ANXA4: variants seen among roughly 807,000 people sequenced by gnomAD.
ANXA4 encodes 35-beta calcimedin.
Under a neutral mutation model 49.8 loss-of-function variants are expected in ANXA4, and 39 were observed. The observed-to-expected ratio is 0.78, with a 90% CI of 0.61 to 1.02. ANXA4 has a LOEUF of 1.02. ANXA4 is among the 50% of genes least tolerant of loss of function. The pLI, the probability that ANXA4 is intolerant of heterozygous loss-of-function variation, is 0.00. For missense variants in ANXA4, 360 were observed against 410.1 expected, an observed-to-expected ratio of 0.88 and a Z score of 1.05; for synonymous variants, 134 against 152.5, an observed-to-expected ratio of 0.88 and a Z score of 0.89.
At chr2:69,784,417 A>G (rs1277891648) in intron 2 of ANXA4, among the ~76,000 whole-genome samples, 1 of 152,240 alleles carries the variant, frequency 6.6e-6, no homozygotes, top group Non-Finnish European at 1.5e-5. Context: ...GTGCCATCCA[A>G]AAATTTTTCA....
intron 2 of ANXA4, among the ~76,000 whole-genome samples, chr2:69,678,701 A>G (rs1272854039): frequency 6.6e-6 from 1 of 152,104 alleles, no homozygotes; most frequent in East Asian, 1.9e-4. Flanking sequence ...CCAGCCCACA[A>G]ATTTCTATTT....
At chr2:69,815,905 G>C (rs949070272) in intron 8 of ANXA4, 196 bp from the exon 9 acceptor site, 19 of 560,366 alleles carry the variant, frequency 3.4e-5, no homozygotes, top group Admixed American at 3.0e-4. Context: ...GACTCCCAGG[G>C]GGGTATGACA....
intron 2 of ANXA4, among the ~76,000 whole-genome samples, chr2:69,705,411 G>A (rs1678455440): frequency 6.6e-6 from 1 of 152,206 alleles, no homozygotes; most frequent in African/African-American, 2.4e-5. Context: ...CAATGAATAT[G>A]TGCTGCTTAT....
chr2:69,752,532 A>T lies in ANXA4; in HGVS notation c.-47+10357A>T, dbSNP rs371806681. On this transcript the variant is annotated intron_variant, in intron 1 of 12. Coordinates refer to ENST00000394295, the MANE Select transcript of ANXA4 (RefSeq NM_001153.5). ...TCGACATGGTCTCCTTCCCTGATTG[A>T]CATAATCTGGGTCAGGGGCCTCTCC... Among the ~76,000 whole-genome samples the T allele has an allele frequency of 9.2e-5, 14 of 152,240 alleles. No homozygotes were observed. In the East Asian group the frequency reaches 9.6e-4, roughly 10 times the overall value.
At chr2:69,797,041 T>C (rs1672976637) in intron 3 of ANXA4, among the ~76,000 whole-genome samples, 1 of 152,154 alleles carries the variant, frequency 6.6e-6, no homozygotes. Flanking sequence ...GCCATGTCTG[T>C]TCATCCCTGA....
chr2:69,790,028 C>A (rs1386464483), intron 3 of ANXA4, among the ~76,000 whole-genome samples: 1 of 152,148 alleles, frequency 6.6e-6, no homozygotes, highest in African/African-American at 2.4e-5. Flanking sequence ...CCCTCCCTTT[C>A]TGTGCTCAAG....
rs13031310 is a variant in ANXA4 at position 69,742,768 on chromosome 2, G to C, written c.-47+593G>C. 5.3e-5 allele frequency among the ~76,000 whole-genome samples: 8 copies of C among 152,288 alleles called. No homozygotes were observed. In the East Asian group the frequency reaches 1.5e-3, roughly 29 times the overall value. ...GACCAGCTGGAGACTTTGGTGCCAA[G>C]GAGGAAGGCTTCTCAACCATTTACC... On this transcript the variant is annotated intron_variant, in intron 1 of 12. Coordinates refer to ENST00000394295, the MANE Select transcript of ANXA4 (RefSeq NM_001153.5).
chr2:69,810,521 A>G lies in ANXA4; in HGVS notation c.398-73A>G, dbSNP rs1010654428. ...AAGCAGGCTGGTCTTGAGGGGACAG[A>G]TTGCTCTGGAGTGTGACAGGGCATT... On this transcript the variant is annotated intron_variant, in intron 6 of 12. Transcript: ENST00000394295. 5 of 1,274,976 alleles carry G rather than the reference A, an allele frequency of 3.9e-6. No individual in the cohort carries two copies. The African/African-American group carries it at 7.4e-5, about 19-fold the overall frequency. 79.0% of individuals were successfully genotyped at this position (1,274,976 alleles called of 1,614,324 possible).
At chr2:69,691,887 G>T (rs564281522) in intron 2 of ANXA4, among the ~76,000 whole-genome samples, 1 of 151,996 alleles carries the variant, frequency 6.6e-6, no homozygotes, top group African/African-American at 2.4e-5. Flanking sequence ...TTTGTTTTTT[G>T]TGTGTTTGTT....
At chr2:69,675,212 G>A (rs537944468) in intron 2 of ANXA4, among the ~76,000 whole-genome samples, 27 of 152,228 alleles carry the variant, frequency 1.8e-4, no homozygotes, top group African/African-American at 4.8e-4. Context: ...GTGAGCCACC[G>A]CGCCCGGCCC....
chr2:69,663,907 A>G (rs1304786648), intron 2 of ANXA4, among the ~76,000 whole-genome samples: 1 of 152,224 alleles, frequency 6.6e-6, no homozygotes, highest in Non-Finnish European at 1.5e-5. Context: ...AAATAATTCA[A>G]TTATATATTT....
chr2:69,670,438 C>CAAAAAAA (rs748196181), intron 2 of ANXA4, among the ~76,000 whole-genome samples: 10 of 44,578 alleles, frequency 2.2e-4, no homozygotes, highest in Non-Finnish European at 3.2e-4. Context: ...GACTCAATCT[C>CAAAAAAA]AAAAAAAAAA....
chr2:69,782,819 C>T (rs6745943), intron 2 of ANXA4, among the ~76,000 whole-genome samples: 39,643 of 152,060 alleles, frequency 0.26, 5,299 homozygotes, highest in East Asian at 0.34. Flanking sequence ...GCTTTCCACT[C>T]GGAGAAAATT....
At chr2:69,652,586 C>T (rs1470544941) in intron 1 of ANXA4, among the ~76,000 whole-genome samples, 1 of 152,040 alleles carries the variant, frequency 6.6e-6, no homozygotes, top group Non-Finnish European at 1.5e-5. Context: ...AGGCTGGGCG[C>T]GGTGGCTCAT....
Position 69,826,602 on chromosome 2 carries a change from T to C in ANXA4, c.*1087T>C, listed in dbSNP as rs958137774. On this transcript the variant is annotated 3_prime_UTR_variant, in exon 13 of 13. Transcript: ENST00000394295. ...GAGTTCAAGACTAGCCTGGCCAACA[T>C]GGAGAAACTGCATCTCTACTAAAAA... 6.6e-6 allele frequency: 1 copy of C among 152,144 alleles called. No homozygotes were observed. Among genetic ancestry groups the C allele is most frequent in the Admixed American group, 6.5e-5 (1 of 15,280 alleles). 9.4% of individuals were successfully genotyped at this position (152,144 alleles called of 1,614,324 possible). A position where few individuals can be genotyped will look rare whatever the true frequency, so the allele number is the denominator to read the frequency against.
At chr2:69,764,263 A>G (rs1323076811) in intron 1 of ANXA4, among the ~76,000 whole-genome samples, 1 of 152,192 alleles carries the variant, frequency 6.6e-6, no homozygotes, top group African/African-American at 2.4e-5. Context: ...TAGTTTACCA[A>G]TGGTGTTTCT....
At chr2:69,797,863 A>C (rs1673008933) in intron 3 of ANXA4, among the ~76,000 whole-genome samples, 1 of 152,268 alleles carries the variant, frequency 6.6e-6, no homozygotes, top group South Asian at 2.1e-4. Flanking sequence ...CTGAAAAGCC[A>C]GAGACTTTTA....
intron 3 of ANXA4, among the ~76,000 whole-genome samples, chr2:69,724,167 A>G (rs1040637262): frequency 1.3e-4 from 20 of 152,246 alleles, no homozygotes; most frequent in African/African-American, 4.3e-4. Flanking sequence ...TCCACATGCA[A>G]CAATGGCTAT....
At chr2:69,660,628 A>G (rs946824781) in intron 2 of ANXA4, among the ~76,000 whole-genome samples, 13 of 152,236 alleles carry the variant, frequency 8.5e-5, no homozygotes, top group African/African-American at 2.9e-4. Flanking sequence ...ATAAATCTAG[A>G]GAACTACCAA....
Sources: gnomAD v4.1 joint callset for allele counts (sites outside exome capture counted in the v4.1 genomes callset) on GRCh38, gnomAD v4.1.1 for gene constraint, MANE v1.5 for transcripts, NCBI Gene and HGNC (gene_info 2026-07-23, HGNC 2026-07-21) for gene names.